Variants in GALNT13 observed in about 807,000 individuals in gnomAD.
The protein encoded by GALNT13 is polypeptide N-acetylgalactosaminyltransferase 13, also known as UDP-GalNAc:polypeptide N-acetylgalactosaminyltransferase 13.
Under a neutral mutation model 64.2 loss-of-function variants are expected in GALNT13, and 28 were observed. That is an observed-to-expected ratio of 0.44 (90% CI 0.32 to 0.60). The LOEUF (loss-of-function observed/expected upper bound fraction) is 0.60. Ranked by LOEUF, GALNT13 falls within the 20% of genes least tolerant of loss-of-function variation. The pLI, the probability that GALNT13 is intolerant of heterozygous loss-of-function variation, is 0.05. For missense variants in GALNT13, 577 were observed against 669.8 expected (o/e 0.86, Z 1.53); for synonymous variants, 214 against 224.6 (o/e 0.95, Z 0.42).
chr2:153,180,571 T>A, the GALNT13 span, among the ~76,000 whole-genome samples: 10 of 152,182 alleles, frequency 6.6e-5, no homozygotes, highest in Admixed American at 4.6e-4. Context: ...CCTCTTTAAT[T>A]TTTTTGGAAG....
chr2:153,953,971 C>T (rs1226779274), intron 3 of GALNT13, among the ~76,000 whole-genome samples: 3 of 152,026 alleles, frequency 2.0e-5, no homozygotes, highest in Non-Finnish European at 4.4e-5. Flanking sequence ...AGACAGATGG[C>T]CTTGCTCTCT....
chr2:154,276,194 GTTTTC>G (rs1369263435), intron 8 of GALNT13, among the ~76,000 whole-genome samples: 1 of 151,534 alleles, frequency 6.6e-6, no homozygotes, highest in African/African-American at 2.4e-5. Context: ...TCTTTTCTTT[GTTTTC>G]TTTTCTTTTC....
the GALNT13 span, among the ~76,000 whole-genome samples, chr2:153,435,444 A>G: frequency 2.6e-5 from 4 of 151,948 alleles, no homozygotes; most frequent in Non-Finnish European, 5.9e-5. Context: ...CACAATATTG[A>G]TTCTTCCTAC....
At chr2:153,526,071 C>G in the GALNT13 span, among the ~76,000 whole-genome samples, 11 of 152,250 alleles carry the variant, frequency 7.2e-5, no homozygotes, top group Admixed American at 7.2e-4. Context: ...AAGTATTGTA[C>G]TTGAATCTCT....
chr2:153,623,445 G>A, the GALNT13 span, among the ~76,000 whole-genome samples: 29 of 152,116 alleles, frequency 1.9e-4, no homozygotes, highest in African/African-American at 6.3e-4. Flanking sequence ...CTTTATAAAT[G>A]CCGCTCCATA....
intron 9 of GALNT13, among the ~76,000 whole-genome samples, chr2:154,316,635 G>A (rs1003286944): frequency 6.6e-6 from 1 of 152,074 alleles, no homozygotes. Context: ...CATAGTGTTG[G>A]CCTCTGTTGA....
the GALNT13 span, among the ~76,000 whole-genome samples, chr2:153,345,797 C>CTTTT: frequency 7.4e-4 from 103 of 140,102 alleles, 1 homozygote; most frequent in African/African-American, 2.4e-3. Context: ...CTCTTTCTTT[C>CTTTT]TCTCTTTCTT....
At chr2:153,434,337 A>G in the GALNT13 span, among the ~76,000 whole-genome samples, 2 of 152,326 alleles carry the variant, frequency 1.3e-5, no homozygotes, top group South Asian at 4.1e-4. Flanking sequence ...TCCTTTGGGT[A>G]TATACCCAGT....
At chr2:153,086,108 A>G in the GALNT13 span, among the ~76,000 whole-genome samples, 1 of 152,188 alleles carries the variant, frequency 6.6e-6, no homozygotes, top group Non-Finnish European at 1.5e-5. Context: ...AATTTCTCCT[A>G]TTTGGAAGAG....
At chr2:153,152,541 G>A in the GALNT13 span, among the ~76,000 whole-genome samples, 2 of 151,470 alleles carry the variant, frequency 1.3e-5, no homozygotes, top group Non-Finnish European at 3.0e-5. Flanking sequence ...GTACCCATTA[G>A]TATCCTGATC....
the GALNT13 span, among the ~76,000 whole-genome samples, chr2:153,194,089 A>G: frequency 6.6e-6 from 1 of 152,120 alleles, no homozygotes; most frequent in African/African-American, 2.4e-5. Context: ...TTGTACTTTT[A>G]TATATTTAAG....
the GALNT13 span, among the ~76,000 whole-genome samples, chr2:153,617,022 C>A: frequency 1.3e-5 from 2 of 151,948 alleles, no homozygotes; most frequent in African/African-American, 4.8e-5. Flanking sequence ...CAGCCACTTT[C>A]AGCATTGGAC....
At position 154,259,092 on chromosome 2, in the gene GALNT13, C is replaced by T; in HGVS notation, c.929C>T (p.Ala310Val). 1.2e-6 allele frequency: 2 copies of T among 1,606,696 alleles called. No homozygotes were observed. The highest frequency in any genetic ancestry group is 1.7e-6 in the Non-Finnish European group (2 of 1,175,752). The change falls in exon 8 of 13, where the codon GCA becomes GTA. Residue 310 changes from alanine to valine, a missense_variant. Physicochemically the swap from Ala to Val is moderately conservative, Grantham distance 64. Transcript: ENST00000392825. ...NYFEEIGTYD[A>V]GMDIWGGENL... is the part of the protein sequence containing the mutation. ...TTTGAAGAGATAGGAACTTACGATG[C>T]AGGAATGGATATCTGGGGTGGAGAG...
chr2:153,878,458 A>G (rs1686547344), intron 1 of GALNT13, among the ~76,000 whole-genome samples: 1 of 152,172 alleles, frequency 6.6e-6, no homozygotes, highest in African/African-American at 2.4e-5. Context: ...CTTATAGCTT[A>G]TTCCATTCTC....
the GALNT13 span, among the ~76,000 whole-genome samples, chr2:153,378,263 GATAGATAGATAGATAGA>G: frequency 7.5e-4 from 18 of 23,990 alleles, no homozygotes; most frequent in Middle Eastern, 0.029. Context: ...ATTATAGATA[GATAGATAGATAGATAGA>G]TAGATAGATA....
At chr2:153,223,386 G>T in the GALNT13 span, among the ~76,000 whole-genome samples, 1 of 152,056 alleles carries the variant, frequency 6.6e-6, no homozygotes, top group Non-Finnish European at 1.5e-5. Context: ...TTTTTCTCAG[G>T]CTCTCATAGA....
the GALNT13 span, among the ~76,000 whole-genome samples, chr2:153,538,335 T>C: frequency 6.9e-6 from 1 of 145,276 alleles, no homozygotes; most frequent in East Asian, 2.0e-4. Context: ...TCTTTTTTTT[T>C]TTTTTTTTAC....
chr2:153,965,972 C>T (rs190681242), intron 3 of GALNT13, among the ~76,000 whole-genome samples: 2 of 151,974 alleles, frequency 1.3e-5, no homozygotes, highest in African/African-American at 4.8e-5. Context: ...ATATGAGTGA[C>T]AGTCTGAAGT....
At chr2:154,373,014 G>A (rs1467023527) in intron 9 of GALNT13, among the ~76,000 whole-genome samples, 1 of 151,896 alleles carries the variant, frequency 6.6e-6, no homozygotes, top group Non-Finnish European at 1.5e-5. Context: ...ACTATTCCTA[G>A]GAGCTAAGAT....
Sources: gnomAD v4.1 joint callset for allele counts (sites outside exome capture counted in the v4.1 genomes callset) on GRCh38, gnomAD v4.1.1 for gene constraint, MANE v1.5 for transcripts, NCBI Gene and HGNC (gene_info 2026-07-23, HGNC 2026-07-21) for gene names.